METTL22: variants seen among roughly 807,000 people sequenced by gnomAD.
The protein encoded by METTL22 is methyltransferase 22, Kin17 lysine, also known as methyltransferase-like protein 22.
METTL22 carries 51 observed loss-of-function variants against 48.4 expected under a neutral mutation model. The ratio of observed to expected loss-of-function variants is 1.05; its 90% CI spans 0.84 to 1.33. The LOEUF (loss-of-function observed/expected upper bound fraction) is 1.33, where lower values mean the gene tolerates loss of function less well. Among genes scored for constraint, METTL22 ranks in the 40% most tolerant of loss-of-function variants. The pLI, the probability that METTL22 is intolerant of heterozygous loss-of-function variation, is 0.00. For missense variants in METTL22, 678 were observed against 526.9 expected (o/e 1.29, Z -2.81); for synonymous variants, 255 against 214.1 (o/e 1.19, Z -1.67).
downstream of METTL22, among the ~76,000 whole-genome samples, chr16:8,653,130 T>C (rs1023773859): frequency 6.6e-6 from 1 of 152,198 alleles, no homozygotes; most frequent in African/African-American, 2.4e-5. Context: ...CCTTCCAGAC[T>C]GTGCTGTTTC....
chr16:8,654,180 T>G (rs1257316495), downstream of METTL22, among the ~76,000 whole-genome samples: 1 of 151,926 alleles, frequency 6.6e-6, no homozygotes, highest in East Asian at 1.9e-4. Flanking sequence ...AAGGAGGGAG[T>G]AGGCAAGGGG....
rs1484881207 is a variant in METTL22 at position 8,646,177 on chromosome 16, G to A, written c.*34G>A. ...CTCCACAAGGCGCGGCGTCTCGACT[G>A]TTCTTAGAGTGTATTTCTAGTAAAA... On this transcript the variant is annotated 3_prime_UTR_variant, in exon 11 of 11. Coordinates refer to ENST00000381920, the MANE Select transcript of METTL22 (RefSeq NM_024109.4). 1 of 1,612,218 alleles carries A rather than the reference G, an allele frequency of 6.2e-7. No individual in the cohort carries two copies.
intron 9 of METTL22, 184 bp from the exon 10 acceptor site, chr16:8,644,373 C>T (rs754705706): frequency 2.8e-5 from 16 of 572,514 alleles, no homozygotes; most frequent in Non-Finnish European, 4.9e-5. Context: ...ACTTCCACCT[C>T]CTGGGCTGTC....
At chr16:8,649,973 G>A (rs1243742286), downstream of METTL22, among the ~76,000 whole-genome samples, 1 of 152,164 alleles carries the variant, frequency 6.6e-6, no homozygotes, top group Non-Finnish European at 1.5e-5. Flanking sequence ...TGCTGATGAT[G>A]CTCGTCTGTG....
At chr16:8,623,634 A>G (rs1275008902) in intron 1 of METTL22, 3 of 152,226 alleles carry the variant, frequency 2.0e-5, no homozygotes, top group Non-Finnish European at 4.4e-5. Context: ...TTGATTTGCC[A>G]GATTCACAGA....
intron 5 of METTL22, among the ~76,000 whole-genome samples, chr16:8,637,420 C>G (rs994496092): frequency 6.6e-6 from 1 of 152,232 alleles, no homozygotes; most frequent in African/African-American, 2.4e-5. Flanking sequence ...AGTCTTATCC[C>G]TGAGAGAGAT....
intron 1 of METTL22, among the ~76,000 whole-genome samples, chr16:8,624,379 T>A (rs1369378771): frequency 1.0e-4 from 12 of 116,632 alleles, no homozygotes; most frequent in African/African-American, 2.6e-4. Flanking sequence ...TTTTTTTTTT[T>A]AATTTCTTTT....
intron 9 of METTL22, among the ~76,000 whole-genome samples, chr16:8,644,200 AT>A (rs2056712070): frequency 6.6e-6 from 1 of 152,120 alleles, no homozygotes; most frequent in South Asian, 2.1e-4. Flanking sequence ...TCAGATAGTT[AT>A]GCGCAGCTCC....
At chr16:8,657,143 A>T in the METTL22 span, among the ~76,000 whole-genome samples, 3 of 152,190 alleles carry the variant, frequency 2.0e-5, no homozygotes, top group Non-Finnish European at 4.4e-5. Context: ...TTACAGCAAG[A>T]TAAGAGAGGA....
chr16:8,657,007 CCA>C, the METTL22 span, among the ~76,000 whole-genome samples: 9 of 152,302 alleles, frequency 5.9e-5, no homozygotes, highest in African/African-American at 1.9e-4. Context: ...CAGGATTAAT[CCA>C]CAGAGTCCTC....
In METTL22 at chr16:8,625,514, C is replaced by G. The variant is rs1041353501; in HGVS notation, c.-152C>G. On this transcript the variant is annotated 5_prime_UTR_variant, in exon 2 of 11. Transcript: ENST00000381920. ...TTTCCAGCTGGATTCTCTTCCCTGG[C>G]CAAGTCTCTGAGATCTTCTCCCAGG... 4 of 547,802 alleles carry G rather than the reference C, an allele frequency of 7.3e-6. No individual in the cohort carries two copies. Among genetic ancestry groups the G allele is most frequent in the African/African-American group, 1.9e-5 (1 of 52,504 alleles). The allele number at this position is 547,802 out of a possible 1,614,324, so 33.9% of individuals were successfully genotyped here.
chr16:8,657,337 A>T, the METTL22 span, among the ~76,000 whole-genome samples: 1 of 152,208 alleles, frequency 6.6e-6, no homozygotes, highest in Non-Finnish European at 1.5e-5. Context: ...GGTTGAGGCT[A>T]AGTTAATAAT....
chr16:8,656,348 C>T, the METTL22 span, among the ~76,000 whole-genome samples: 2 of 152,186 alleles, frequency 1.3e-5, no homozygotes, highest in Non-Finnish European at 1.5e-5. Flanking sequence ...ACCCCCACTT[C>T]CTAAATGATT....
chr16:8,627,686 T>C (rs945325893), intron 2 of METTL22, among the ~76,000 whole-genome samples: 1 of 152,190 alleles, frequency 6.6e-6, no homozygotes, highest in African/African-American at 2.4e-5. Context: ...ACAGCTGTTT[T>C]TGTGCTATAA....
chr16:8,644,751 C>T (rs771986717), intron 10 of METTL22, 26 bp downstream of exon 10: 16 of 1,527,072 alleles, frequency 1.0e-5, no homozygotes, highest in South Asian at 5.0e-5. Context: ...GAAGCAGGGC[C>T]GTTGGTTGCT....
rs527906209 is a variant in METTL22 at position 8,646,382 on chromosome 16, G to A, written c.*239G>A. On this transcript the variant is annotated 3_prime_UTR_variant, in exon 11 of 11. Transcript: ENST00000381920. ...GTTGCCTGTTTCTCATGGTTGTGAT[G>A]TGTGCTCCAGGGTCAAGCCGAGCCA... 60 of 694,444 alleles carry A rather than the reference G, an allele frequency of 8.6e-5. No individual in the cohort carries two copies. The highest frequency in any genetic ancestry group is 5.5e-4 in the East Asian group (20 of 36,338). The allele number at this position is 694,444 out of a possible 1,614,324, so 43.0% of individuals were successfully genotyped here. A position where few individuals can be genotyped will look rare whatever the true frequency, so the allele number is the denominator to read the frequency against.
chr16:8,642,139 C>A lies in METTL22; in HGVS notation c.839C>A (p.Pro280His). 1.2e-6 allele frequency: 2 copies of A among 1,613,256 alleles called. No homozygotes were observed. The highest frequency in any genetic ancestry group is 1.1e-5 in the South Asian group (1 of 91,062). Residue 280 changes from proline (P) to histidine (H), a missense_variant, in exon 8 of 11, where the codon CCC (proline) becomes CAC (histidine). Transcript: ENST00000381920. ...TGTTCTTTCTTAGATCCCAAGGTCC[C>A]CTTCAGTTGGTCACAAGAGGAAATT... ...KDDLCTDPKV[P>H]FSWSQEEISD...
intron 5 of METTL22, among the ~76,000 whole-genome samples, chr16:8,637,343 T>G (rs1641044): frequency 0.98 from 149,913 of 152,304 alleles, 73,831 homozygotes; most frequent in Middle Eastern, 1. Flanking sequence ...ATCAGTGAGC[T>G]CTTCTCAGAG....
At chr16:8,660,926 C>T in the METTL22 span, among the ~76,000 whole-genome samples, 15,583 of 131,526 alleles carry the variant, frequency 0.12, 1,605 homozygotes, top group African/African-American at 0.19. Context: ...AGTGGGTGAG[C>T]GGATGAGTGA....
Sources: gnomAD v4.1 joint callset for allele counts (sites outside exome capture counted in the v4.1 genomes callset) on GRCh38, gnomAD v4.1.1 for gene constraint, MANE v1.5 for transcripts, NCBI Gene and HGNC (gene_info 2026-07-23, HGNC 2026-07-21) for gene names.